The following SYT16 variants were observed in gnomAD, a reference collection of about 807,000 sequenced individuals.
The protein encoded by SYT16 is synaptotagmin-16.
In SYT16, 42 loss-of-function variants were observed where a neutral mutation model predicts 61.4. The ratio of observed to expected loss-of-function variants is 0.68; its 90% CI spans 0.53 to 0.89. The LOEUF (loss-of-function observed/expected upper bound fraction) is 0.89, where lower values mean the gene tolerates loss of function less well. Among genes scored for constraint, SYT16 ranks in the 40% least tolerant of loss-of-function variants. The pLI is 0.00. For synonymous variants in SYT16, 314 were observed against 302.3 expected (o/e 1.04, Z -0.40); for missense variants, 804 against 807.3 (o/e 1.00, Z 0.05).
rs576280424 is a variant in SYT16 at position 62,031,946 on chromosome 14, G to A, written c.523+35404G>A. Among the ~76,000 whole-genome samples, 3 of 152,238 alleles carry A rather than the reference G, an allele frequency of 2.0e-5. No homozygotes were observed. In the South Asian group the frequency reaches 6.2e-4, roughly 32 times the overall value. On this transcript the variant is annotated intron_variant, in intron 3 of 7. Coordinates refer to ENST00000683842, the MANE Select transcript of SYT16 (RefSeq NM_001367656.1). Reference sequence around the variant, plus strand: ...TTCATCTGAACCCTAAAAGCAAGAGGCTGTAGATACTAAAATCTAAGAAAG... The same window carrying A: ...TTCATCTGAACCCTAAAAGCAAGAGACTGTAGATACTAAAATCTAAGAAAG...
intron 2 of SYT16, among the ~76,000 whole-genome samples, chr14:61,985,403 A>G (rs796563073): frequency 9.2e-5 from 14 of 152,258 alleles, no homozygotes; most frequent in African/African-American, 3.1e-4. Flanking sequence ...TTTAGAAGAA[A>G]CATTTGCAAT....
intron 1 of SYT16, among the ~76,000 whole-genome samples, chr14:61,818,618 C>T (rs1202775653): frequency 2.0e-5 from 3 of 147,180 alleles, no homozygotes; most frequent in African/African-American, 7.6e-5. Flanking sequence ...GCGGAGGTTG[C>T]AGTGAGCCGA....
At chr14:62,006,032 T>C (rs1033370904) in intron 3 of SYT16, among the ~76,000 whole-genome samples, 5 of 152,152 alleles carry the variant, frequency 3.3e-5, no homozygotes, top group Non-Finnish European at 5.9e-5. Flanking sequence ...ACTGATGTGA[T>C]AGAGCCCACT....
chr14:61,924,000 T>C (rs1199517390), intron 1 of SYT16, among the ~76,000 whole-genome samples: 1 of 152,192 alleles, frequency 6.6e-6, no homozygotes, highest in African/African-American at 2.4e-5. Flanking sequence ...GCGAAGTTAA[T>C]ACAAAGTGCT....
At chr14:62,098,054 C>G (rs571672986) in intron 7 of SYT16, among the ~76,000 whole-genome samples, 3 of 152,212 alleles carry the variant, frequency 2.0e-5, no homozygotes. Context: ...TAATTTCACA[C>G]CTTGTGTTTC....
chr14:61,979,654 C>G (rs971804421), intron 2 of SYT16, among the ~76,000 whole-genome samples: 1 of 152,122 alleles, frequency 6.6e-6, no homozygotes, highest in African/African-American at 2.4e-5. Context: ...GAGGCTGAGG[C>G]GGGTGGATCA....
intron 3 of SYT16, among the ~76,000 whole-genome samples, chr14:62,055,263 G>C (rs575614538): frequency 6.6e-6 from 1 of 152,332 alleles, no homozygotes; most frequent in African/African-American, 2.4e-5. Flanking sequence ...GTCCTATCAA[G>C]CAATTCCCTT....
intron 3 of SYT16, among the ~76,000 whole-genome samples, chr14:62,049,544 G>A (rs559459786): frequency 2.0e-5 from 3 of 152,116 alleles, no homozygotes; most frequent in Non-Finnish European, 2.9e-5. Context: ...TATTTTGCTC[G>A]TTAGTTGATG....
intron 1 of SYT16, among the ~76,000 whole-genome samples, chr14:61,935,136 G>T (rs1168966123): frequency 6.6e-6 from 1 of 151,912 alleles, no homozygotes; most frequent in Non-Finnish European, 1.5e-5. Context: ...TTTTACTTGG[G>T]GGCGGCACTA....
intron 7 of SYT16, among the ~76,000 whole-genome samples, chr14:62,090,030 C>T (rs1482361127): frequency 1.3e-5 from 2 of 152,332 alleles, no homozygotes; most frequent in African/African-American, 2.4e-5. Context: ...TTGATTTAAC[C>T]TCTCTGAATT....
chr14:61,897,128 A>G (rs1159406446), intron 1 of SYT16: 5 of 152,258 alleles, frequency 3.3e-5, no homozygotes, highest in Non-Finnish European at 7.3e-5. Flanking sequence ...TTATTGGAAC[A>G]CAACCATGCT....
intron 1 of SYT16, among the ~76,000 whole-genome samples, chr14:61,963,913 A>G (rs1366950504): frequency 6.6e-6 from 1 of 152,180 alleles, no homozygotes; most frequent in East Asian, 1.9e-4. Context: ...CCTGTGCTTT[A>G]GAAATGGAAC....
intron 3 of SYT16, among the ~76,000 whole-genome samples, chr14:62,018,333 G>C (rs1443867235): frequency 1.2e-5 from 1 of 80,902 alleles, no homozygotes; most frequent in African/African-American, 4.9e-5. Flanking sequence ...TTTTGAGACT[G>C]TCTCGCTCTT....
intron 2 of SYT16, among the ~76,000 whole-genome samples, chr14:61,978,970 G>T (rs866800592): frequency 5.3e-5 from 8 of 152,150 alleles, no homozygotes; most frequent in African/African-American, 1.9e-4. Flanking sequence ...TCAAGATTTC[G>T]AGACTTTTAG....
At chr14:62,083,096 A>G (rs1470662195) in intron 6 of SYT16, among the ~76,000 whole-genome samples, 2 of 152,204 alleles carry the variant, frequency 1.3e-5, no homozygotes, top group African/African-American at 2.4e-5. Context: ...TAAGACATCT[A>G]TCACGACCAC....
chr14:62,081,048 G>A lies in SYT16; in HGVS notation c.1208G>A (p.Arg403Lys). The A allele has an allele frequency of 6.2e-7, 1 of 1,613,590 alleles. No homozygotes were observed. Among genetic ancestry groups the A allele is most frequent in the Non-Finnish European group, 8.5e-7 (1 of 1,179,696 alleles). Residue 403 changes from arginine to lysine, a missense_variant, in exon 6 of 8, where the codon AGG (arginine) becomes AAG (lysine). Physicochemically the swap from Arg to Lys is conservative, Grantham distance 26 (BLOSUM62 2). Transcript: ENST00000683842. The stretch of plus-strand genomic sequence containing the variant: ...CTGCCTGGTAAGAAACACAGGGGCA[G>A]GACGAACATACAGAGAGGGCCCAAC... Reference protein sequence around the residue: ...VLLPGKKHRGRTNIQRGPNPV... With the variant: ...VLLPGKKHRGKTNIQRGPNPV...
chr14:61,915,764 T>C (rs578023234), intron 1 of SYT16, among the ~76,000 whole-genome samples: 2 of 152,350 alleles, frequency 1.3e-5, no homozygotes, highest in South Asian at 2.1e-4. Flanking sequence ...AATTGATCTT[T>C]CTATGGTCAG....
In SYT16 at chr14:62,100,516, C is replaced by A; in HGVS notation, c.1747C>A (p.Leu583Ile). 1 of 1,613,822 alleles carries A rather than the reference C, an allele frequency of 6.2e-7. No homozygotes were observed. The highest frequency in any genetic ancestry group is 8.5e-7 in the Non-Finnish European group (1 of 1,179,828). ...GGAGACCTTTGTTTTCCAGGTGGCCCTCTTTCAGCTGTCTGATGTCACGTT... is the reference window on the plus strand; with the variant it reads ...GGAGACCTTTGTTTTCCAGGTGGCCATCTTTCAGCTGTCTGATGTCACGTT... ...YKETFVFQVA[L>I]FQLSDVTLMI... Residue 583 changes from leucine (L) to isoleucine (I), a missense_variant, in exon 8 of 8, where the codon CTC (leucine) becomes ATC (isoleucine). Physicochemically the swap from Leu to Ile is conservative, Grantham distance 5. Transcript: ENST00000683842.
At chr14:62,005,567 C>T (rs900729880) in intron 3 of SYT16, among the ~76,000 whole-genome samples, 5 of 152,070 alleles carry the variant, frequency 3.3e-5, no homozygotes, top group African/African-American at 1.2e-4. Flanking sequence ...TCACATTAGT[C>T]CTTAAACAGC....
Sources: allele counts gnomAD v4.1 joint callset (sites outside exome capture counted in the v4.1 genomes callset), GRCh38; gene constraint gnomAD v4.1.1; transcripts MANE v1.5; gene names NCBI Gene and HGNC (gene_info 2026-07-23, HGNC 2026-07-21).